ADAM12: variants seen among roughly 807,000 people sequenced by gnomAD.
ADAM12 encodes ADAM metallopeptidase domain 12.
In ADAM12, 70 loss-of-function variants were observed where a neutral mutation model predicts 106.4. The ratio of observed to expected loss-of-function variants is 0.66; its 90% CI spans 0.54 to 0.80. ADAM12 has a LOEUF of 0.80. ADAM12 is among the 30% of genes least tolerant of loss of function. The pLI is 0.00. For missense variants in ADAM12, 1,010 were observed against 1,171.9 expected (o/e 0.86, Z 2.02); for synonymous variants, 420 against 433.5 (o/e 0.97, Z 0.39).
intron 2 of ADAM12, among the ~76,000 whole-genome samples, chr10:126,287,690 C>G (rs1476581044): frequency 2.0e-5 from 3 of 152,018 alleles, no homozygotes; most frequent in Non-Finnish European, 2.9e-5. Flanking sequence ...AACATCTTCC[C>G]TGGGCCCTTT....
At chr10:126,041,856 A>C in intron 18 of ADAM12, 2 of 1,277,170 alleles carry the variant, frequency 1.6e-6, no homozygotes, top group African/African-American at 1.5e-5. Flanking sequence ...GGCCTGCCAG[A>C]GTGGTAACCT....
chr10:126,096,038 C>A (rs1955552134), intron 10 of ADAM12, among the ~76,000 whole-genome samples: 1 of 152,108 alleles, frequency 6.6e-6, no homozygotes. Flanking sequence ...ATCAAGGAAC[C>A]AAGATAATCT....
chr10:126,206,095 C>G (rs994482266), intron 3 of ADAM12, among the ~76,000 whole-genome samples: 1 of 152,086 alleles, frequency 6.6e-6, no homozygotes, highest in Non-Finnish European at 1.5e-5. Context: ...TTGTGTATAG[C>G]AAAGCTGGGT....
intron 11 of ADAM12, among the ~76,000 whole-genome samples, chr10:126,073,459 G>A (rs1171762986): frequency 2.0e-5 from 3 of 152,120 alleles, no homozygotes; most frequent in African/African-American, 7.2e-5. Flanking sequence ...TAGGTAGACT[G>A]CATGTTAGCG....
intron 11 of ADAM12, among the ~76,000 whole-genome samples, chr10:126,074,457 AAGG>A (rs1429724156): frequency 6.6e-6 from 1 of 152,214 alleles, no homozygotes; most frequent in Non-Finnish European, 1.5e-5. Flanking sequence ...AAATAGGATG[AAGG>A]AGAACAGTTT....
chr10:126,290,855 A>G (rs142241030), intron 2 of ADAM12, among the ~76,000 whole-genome samples: 2 of 152,214 alleles, frequency 1.3e-5, no homozygotes, highest in Admixed American at 1.3e-4. Context: ...TGTACGACCA[A>G]TCATAGAAGG....
At chr10:126,172,230 G>A (rs916126676) in intron 3 of ADAM12, among the ~76,000 whole-genome samples, 6 of 152,152 alleles carry the variant, frequency 3.9e-5, no homozygotes, top group South Asian at 2.1e-4. Context: ...TGGAGTTACT[G>A]TTCTTTATCT....
chr10:126,023,004 C>T (rs1953798033), intron 21 of ADAM12, among the ~76,000 whole-genome samples: 1 of 152,192 alleles, frequency 6.6e-6, no homozygotes, highest in Admixed American at 6.5e-5. Flanking sequence ...CATGAAGTCT[C>T]AGCTGTTATC....
intron 5 of ADAM12, among the ~76,000 whole-genome samples, chr10:126,123,742 G>C (rs1486923295): frequency 6.6e-6 from 1 of 152,172 alleles, no homozygotes; most frequent in African/African-American, 2.4e-5. Context: ...ACACTCGCCT[G>C]CTTCCCTTTG....
intron 5 of ADAM12, among the ~76,000 whole-genome samples, chr10:126,121,111 G>GTT (rs1956086389): frequency 8.4e-5 from 2 of 23,786 alleles, no homozygotes; most frequent in African/African-American, 2.6e-4. Context: ...ATTATATATA[G>GTT]TATATATATA....
intron 3 of ADAM12, among the ~76,000 whole-genome samples, chr10:126,182,414 C>CAA (rs58753119): frequency 2.0e-5 from 3 of 150,080 alleles, no homozygotes; most frequent in Admixed American, 1.3e-4. Context: ...AACAAACAAA[C>CAA]AAAAAAAACA....
At chr10:126,382,238 G>A (rs1856521051) in intron 1 of ADAM12, among the ~76,000 whole-genome samples, 1 of 152,132 alleles carries the variant, frequency 6.6e-6, no homozygotes, top group Non-Finnish European at 1.5e-5. Context: ...TGTATAAGGA[G>A]AAGATAGAGC....
rs11244779 is a variant in ADAM12, at chr10:126,041,960, C to T, written c.2104+1080G>A. The T allele has an allele frequency of 1.5e-3, 2,108 of 1,430,230 alleles. 25 individuals are homozygous for T. In the East Asian group the frequency reaches 0.029, roughly 19 times the overall value. 88.6% of individuals were successfully genotyped at this position (1,430,230 alleles called of 1,614,324 possible). On this transcript the variant is annotated intron_variant, in intron 18 of 22. Coordinates refer to ENST00000448723, the MANE Select transcript of ADAM12 (RefSeq NM_001288973.2). ...CCCTTCCTTGCACTGTTTCTGCAGA[C>T]GTGCCTGGTAGGCTGGACTTCCCCT...
At chr10:126,233,862 A>G (rs185307714) in intron 3 of ADAM12, among the ~76,000 whole-genome samples, 1 of 152,300 alleles carries the variant, frequency 6.6e-6, no homozygotes, top group Non-Finnish European at 1.5e-5. Flanking sequence ...TTTACATTGC[A>G]CTTGGTATTT....
chr10:126,343,825 T>C (rs1273050630), intron 1 of ADAM12, among the ~76,000 whole-genome samples: 1 of 152,216 alleles, frequency 6.6e-6, no homozygotes, highest in African/African-American at 2.4e-5. Flanking sequence ...CATAAATGTC[T>C]TCTTTTGAGA....
intron 11 of ADAM12, among the ~76,000 whole-genome samples, chr10:126,093,522 C>A (rs895502857): frequency 1.3e-5 from 2 of 152,224 alleles, no homozygotes; most frequent in African/African-American, 4.8e-5. Flanking sequence ...CTAGGGCCAA[C>A]CCTGGGGAAA....
intron 14 of ADAM12, among the ~76,000 whole-genome samples, chr10:126,060,056 C>G (rs777967634): frequency 6.6e-6 from 1 of 151,862 alleles, no homozygotes; most frequent in Non-Finnish European, 1.5e-5. Context: ...ATTTGTGGGA[C>G]AAAAATCAGT....
chr10:126,108,071 T>G, intron 8 of ADAM12, among the ~76,000 whole-genome samples: 1 of 152,220 alleles, frequency 6.6e-6, no homozygotes, highest in East Asian at 1.9e-4. Context: ...CTACTTGTTC[T>G]TGGCGAGGGA....
chr10:126,352,686 G>A (rs1368453928), intron 1 of ADAM12, among the ~76,000 whole-genome samples: 7 of 152,212 alleles, frequency 4.6e-5, no homozygotes, highest in East Asian at 1.9e-4. Context: ...GTCACCTCAC[G>A]CCAGTGCACA....
Sources: gnomAD v4.1 joint callset for allele counts (sites outside exome capture counted in the v4.1 genomes callset) on GRCh38, gnomAD v4.1.1 for gene constraint, MANE v1.5 for transcripts, NCBI Gene and HGNC (gene_info 2026-07-23, HGNC 2026-07-21) for gene names.